Variants in CFAP20DC observed in about 807,000 individuals in gnomAD.
The protein encoded by CFAP20DC is protein CFAP20DC.
In CFAP20DC, 84 loss-of-function variants were observed where a neutral mutation model predicts 101.7. That is an observed-to-expected ratio of 0.83 (90% confidence interval 0.69 to 0.99). CFAP20DC has a LOEUF of 0.99. Ranked by LOEUF, CFAP20DC falls within the 50% of genes least tolerant of loss-of-function variation. The pLI, the probability that CFAP20DC is intolerant of heterozygous loss-of-function variation, is 0.00. For missense variants in CFAP20DC, 1,007 were observed against 970.3 expected (o/e 1.04, Z -0.50); for synonymous variants, 359 against 351.2 (o/e 1.02, Z -0.25).
chr3:58,805,531 G>C (rs1486645063), intron 15 of CFAP20DC, among the ~76,000 whole-genome samples: 4 of 152,124 alleles, frequency 2.6e-5, no homozygotes, highest in Non-Finnish European at 4.4e-5. Context: ...TCTTAATTCA[G>C]ACACCATGCA....
intron 14 of CFAP20DC, among the ~76,000 whole-genome samples, chr3:58,829,320 CAAA>C (rs551685231): frequency 6.7e-5 from 4 of 59,686 alleles, no homozygotes; most frequent in Admixed American, 1.7e-4. Flanking sequence ...GACTCAGTCT[CAAA>C]AAAAAAAAAA....
At chr3:58,884,449 G>T in intron 7 of CFAP20DC, 96 bp downstream of exon 7, 1 of 1,156,046 alleles carries the variant, frequency 8.7e-7, no homozygotes, top group Non-Finnish European at 1.3e-6. Context: ...GAAGGATATA[G>T]AAGAATGAGG....
chr3:58,895,432 C>T (rs1041247991), intron 6 of CFAP20DC, among the ~76,000 whole-genome samples: 14 of 152,170 alleles, frequency 9.2e-5, no homozygotes, highest in Admixed American at 8.5e-4. Context: ...AAAATGCCAC[C>T]AGTCTCTTTG....
downstream of CFAP20DC, chr3:58,737,304 T>TCACACA (rs72290352): frequency 2.4e-6 from 1 of 412,734 alleles, no homozygotes; most frequent in African/African-American, 2.1e-5. This position sits in a 1 kb window ranked among gnomAD's most constrained non-coding sequence, Gnocchi z 4.1. Flanking sequence ...CAAATCTCTC[T>TCACACA]CACACACACA....
chr3:59,030,948 C>T (rs888872567), intron 4 of CFAP20DC, among the ~76,000 whole-genome samples: 7 of 152,062 alleles, frequency 4.6e-5, no homozygotes, highest in Admixed American at 3.9e-4. Flanking sequence ...CTCAGCCTCC[C>T]GAGTAGCTGG....
chr3:59,000,654 A>G (rs2093282744), intron 4 of CFAP20DC, among the ~76,000 whole-genome samples: 1 of 152,064 alleles, frequency 6.6e-6, no homozygotes, highest in Non-Finnish European at 1.5e-5. Context: ...GGAAGATTTG[A>G]GAGGTTGAAA....
chr3:58,774,921 T>C (rs1403640697), intron 15 of CFAP20DC, among the ~76,000 whole-genome samples: 1 of 152,162 alleles, frequency 6.6e-6, no homozygotes, highest in Admixed American at 6.5e-5. Context: ...CTTTTGAGGG[T>C]AAAGATCCAT....
Position 58,722,697 on chromosome 3 carries a change from G to C in CFAP20DC, c.198-5069C>G, listed in dbSNP as rs77388893. 1.3e-5 allele frequency among the ~76,000 whole-genome samples: 2 copies of C among 152,156 alleles called. No homozygotes were observed. The highest frequency in any genetic ancestry group is 2.9e-5 in the Non-Finnish European group (2 of 68,024). Reference sequence around the variant, plus strand: ...ACACACTGACTGTGATTTTCTGCCCGAGTCCTTATTTAATTGTTATTTTGG... The same window carrying C: ...ACACACTGACTGTGATTTTCTGCCCCAGTCCTTATTTAATTGTTATTTTGG... On this transcript the variant is annotated intron_variant, in intron 3 of 3. Transcript: ENST00000486145. This position sits in a 1 kb window ranked among gnomAD's most constrained non-coding sequence, Gnocchi z 4.5.
intron 15 of CFAP20DC, among the ~76,000 whole-genome samples, chr3:58,760,768 A>C (rs138994853): frequency 0.093 from 14,120 of 151,920 alleles, 1,105 homozygotes; most frequent in East Asian, 0.35. Flanking sequence ...TTGTCAAAGG[A>C]CTTTTCTGCA....
intron 3 of CFAP20DC, among the ~76,000 whole-genome samples, chr3:58,731,393 C>T (rs181644043): frequency 7.2e-5 from 11 of 152,170 alleles, no homozygotes; most frequent in African/African-American, 2.7e-4. Flanking sequence ...TACACACTGT[C>T]TGTTGTGTTA....
rs748048301 is a variant in CFAP20DC at position 58,722,179 on chromosome 3, G to A, written c.198-4551C>T. Among the ~76,000 whole-genome samples the A allele has an allele frequency of 2.0e-5, 3 of 152,142 alleles. No individual in the cohort carries two copies. The highest frequency in any genetic ancestry group is 4.4e-5 in the Non-Finnish European group (3 of 68,012). ...TGGTCCCAGCTAAAGCCCAGCCTCC[G>A]GGTCATCCCAGCCCAGGCACCAGGC... is the stretch of plus-strand genomic sequence containing the variant. On this transcript the variant is annotated intron_variant, in intron 3 of 3. Coordinates refer to the CFAP20DC transcript ENST00000486145. This position sits in a 1 kb window ranked among gnomAD's most constrained non-coding sequence, Gnocchi z 4.5.
intron 14 of CFAP20DC, among the ~76,000 whole-genome samples, chr3:58,808,594 C>T (rs1039670425): frequency 1.3e-5 from 2 of 152,208 alleles, no homozygotes; most frequent in South Asian, 2.1e-4. Flanking sequence ...CAACCAGTAC[C>T]AGCCACTGCA....
At chr3:59,039,696 A>C in intron 3 of CFAP20DC, 67 bp from the exon 4 acceptor site, 3 of 938,364 alleles carry the variant, frequency 3.2e-6, no homozygotes, top group Non-Finnish European at 4.7e-6. Context: ...AACAAACACA[A>C]TCACAAACCA....
At position 58,951,649 on chromosome 3, in the gene CFAP20DC, T is replaced by C. The variant is rs189884636; in HGVS notation, c.279-13887A>G. 2.7e-3 allele frequency among the ~76,000 whole-genome samples: 411 copies of C among 152,152 alleles called. 1 individual carries two copies. The highest frequency in any genetic ancestry group is 9.3e-3 in the African/African-American group (387 of 41,502). On this transcript the variant is annotated intron_variant, in intron 4 of 16. Transcript: ENST00000482387. ...GGAAACCATCATTCTCAGCAAACTA[T>C]TGCAGGGACAAAAAACCAAACACCT...
intron 4 of CFAP20DC, among the ~76,000 whole-genome samples, chr3:58,960,387 G>A (rs1255442323): frequency 6.6e-6 from 1 of 151,766 alleles, no homozygotes; most frequent in Non-Finnish European, 1.5e-5. Context: ...AGCTACTCAG[G>A]AGGCTGAGGC....
At chr3:59,031,440 C>T (rs1318801727) in intron 4 of CFAP20DC, among the ~76,000 whole-genome samples, 1 of 152,194 alleles carries the variant, frequency 6.6e-6, no homozygotes, top group African/African-American at 2.4e-5. Context: ...CTTTTCCCTA[C>T]ACTGAAAATA....
intron 15 of CFAP20DC, among the ~76,000 whole-genome samples, chr3:58,805,467 C>T: frequency 6.6e-6 from 1 of 152,186 alleles, no homozygotes; most frequent in East Asian, 1.9e-4. Context: ...TTCTCCCTAT[C>T]TCTTTCTGTC....
At chr3:58,751,237 G>A (rs1480186837) in intron 16 of CFAP20DC, among the ~76,000 whole-genome samples, 1 of 152,142 alleles carries the variant, frequency 6.6e-6, no homozygotes, top group African/African-American at 2.4e-5. Flanking sequence ...CAATAAACAA[G>A]TAGACAAATC....
chr3:58,994,176 A>T (rs1356532507), intron 4 of CFAP20DC, among the ~76,000 whole-genome samples: 1 of 152,238 alleles, frequency 6.6e-6, no homozygotes, highest in African/African-American at 2.4e-5. Flanking sequence ...GAAAAGAAAC[A>T]TACATGCACA....
Sources: gnomAD v4.1 joint callset for allele counts (sites outside exome capture counted in the v4.1 genomes callset) on GRCh38, gnomAD v4.1.1 for gene constraint, Gnocchi (gnomAD v3.1) non-coding constraint, MANE v1.5 for transcripts, NCBI Gene and HGNC (gene_info 2026-07-23, HGNC 2026-07-21) for gene names.